The following ZNF827 variants were observed in gnomAD, a reference collection of about 807,000 sequenced individuals.
ZNF827 encodes zinc finger protein 827.
In ZNF827, 13 loss-of-function variants were observed where a neutral mutation model predicts 102.4. That is an observed-to-expected ratio of 0.13 (90% confidence interval 0.08 to 0.20). ZNF827 has a LOEUF of 0.20. ZNF827 is among the 10% of genes least tolerant of loss of function. ZNF827 has a pLI of 1.00. For synonymous variants in ZNF827, 523 were observed against 536.2 expected (o/e 0.98, Z 0.34); for missense variants, 1,103 against 1,344.4 (o/e 0.82, Z 2.81).
intron 4 of ZNF827, among the ~76,000 whole-genome samples, chr4:145,884,053 G>A (rs149269500): frequency 1.1e-3 from 163 of 152,214 alleles, no homozygotes; most frequent in African/African-American, 3.8e-3. Context: ...GGGAGAAGTC[G>A]GGGGAGAGAG....
At chr4:145,926,419 A>G (rs1395929333) in intron 1 of ZNF827, among the ~76,000 whole-genome samples, 1 of 152,174 alleles carries the variant, frequency 6.6e-6, no homozygotes, top group African/African-American at 2.4e-5. Context: ...CAGTTTATCA[A>G]TTTCTCCCTT....
At chr4:145,851,295 T>C (rs74893807) in intron 5 of ZNF827, among the ~76,000 whole-genome samples, 2,700 of 124,154 alleles carry the variant, frequency 0.022, 76 homozygotes, top group African/African-American at 0.078. Flanking sequence ...GATAGATAGA[T>C]AGACAGACAG....
chr4:145,849,625 G>C, intron 5 of ZNF827, 64 bp from the exon 6 acceptor site: 2 of 1,598,176 alleles, frequency 1.3e-6, no homozygotes, highest in Non-Finnish European at 1.7e-6. Context: ...GCTAGACCCA[G>C]TTTCTAATCA....
chr4:145,894,329 G>T (rs1024545227), intron 2 of ZNF827, among the ~76,000 whole-genome samples: 27 of 152,176 alleles, frequency 1.8e-4, no homozygotes, highest in Non-Finnish European at 2.9e-5. Context: ...AGTTACCACT[G>T]AAGGATTGTG....
chr4:145,876,917 T>C (rs74886093), intron 4 of ZNF827: 167 of 152,206 alleles, frequency 1.1e-3, no homozygotes, highest in African/African-American at 3.7e-3. Flanking sequence ...TGTGAAACCG[T>C]ACTTGTATTT....
chr4:145,894,891 T>C (rs552689834), intron 2 of ZNF827, among the ~76,000 whole-genome samples: 62 of 152,294 alleles, frequency 4.1e-4, no homozygotes, highest in Admixed American at 9.2e-4. Context: ...TCCACCCTGA[T>C]ATTTTGATCA....
At chr4:145,800,394 C>T (rs897389275) in intron 8 of ZNF827, among the ~76,000 whole-genome samples, 1 of 151,628 alleles carries the variant, frequency 6.6e-6, no homozygotes, top group African/African-American at 2.4e-5. Flanking sequence ...CGCTCTGTCG[C>T]CAAGGCTGGA....
chr4:145,849,686 G>A (rs1470281239), intron 5 of ZNF827, 125 bp from the exon 6 acceptor site: 20 of 1,405,228 alleles, frequency 1.4e-5, no homozygotes, highest in East Asian at 2.3e-5. Flanking sequence ...GAGCGTGCAC[G>A]GCACACTGGA....
In ZNF827 at chr4:145,845,969, G is replaced by T. The variant is rs148943464; in HGVS notation, c.2266C>A (p.Arg756=). Residue 756 remains arginine, a synonymous_variant, in exon 7 of 15, where the codon CGG becomes AGG. Coordinates refer to ENST00000508784, the MANE Select transcript of ZNF827 (RefSeq NM_001306215.2). Reference sequence around the variant, plus strand: ...AAAGTCGCCTACCTGGTCGTGGTCCGGATGGTGTTTTCTTTTGTATGATTG... The same window carrying T: ...AAAGTCGCCTACCTGGTCGTGGTCCTGATGGTGTTTTCTTTTGTATGATTG... ...EHNHTKENTI[R]TTTSPFFSED... 6.2e-7 allele frequency: 1 copy of T among 1,614,142 alleles called. No homozygotes were observed. Among genetic ancestry groups the T allele is most frequent in the Non-Finnish European group, 8.5e-7 (1 of 1,180,034 alleles).
intron 1 of ZNF827, among the ~76,000 whole-genome samples, chr4:145,913,069 T>G (rs1007432612): frequency 3.3e-5 from 5 of 152,158 alleles, no homozygotes; most frequent in African/African-American, 1.2e-4. Context: ...GGAAGGACTA[T>G]GAGTGGACTA....
chr4:145,779,296 G>C, intron 9 of ZNF827, 78 bp downstream of exon 9: 1 of 1,527,994 alleles, frequency 6.5e-7, no homozygotes, highest in South Asian at 1.3e-5. Flanking sequence ...GCCTCTCTTA[G>C]AGAAACTCAG....
At chr4:145,904,364 T>A (rs1271510242) in intron 1 of ZNF827, among the ~76,000 whole-genome samples, 3 of 152,250 alleles carry the variant, frequency 2.0e-5, no homozygotes, top group South Asian at 4.1e-4. Context: ...AATGGGTAAA[T>A]AACATAGCAT....
chr4:145,765,065 C>T lies in ZNF827; in HGVS notation c.3153G>A (p.Val1051=), dbSNP rs1326198067. The part of the protein sequence containing the change: ...HLITRMFECD[V]CHKFMKTPEQ... ...CGGGGGTCTTCATGAACTTGTGGCACACATCACACTCAAACATCCGGGTGA... is the reference window on the plus strand; with the variant it reads ...CGGGGGTCTTCATGAACTTGTGGCATACATCACACTCAAACATCCGGGTGA... Residue 1051 remains valine, a synonymous_variant, in exon 13 of 15, where the codon GTG becomes GTA. Transcript: ENST00000508784. This position sits in a 1 kb window ranked among gnomAD's most constrained non-coding sequence, Gnocchi z 4.7. 1 of 1,614,120 alleles carries T rather than the reference C, an allele frequency of 6.2e-7. No homozygotes were observed. Among genetic ancestry groups the T allele is most frequent in the Non-Finnish European group, 8.5e-7 (1 of 1,180,054 alleles).
intron 8 of ZNF827, among the ~76,000 whole-genome samples, chr4:145,812,270 T>A (rs949317735): frequency 6.6e-6 from 1 of 152,134 alleles, no homozygotes; most frequent in Admixed American, 6.6e-5. Context: ...AGGGAATTTT[T>A]ATGACTGGGA....
At chr4:145,838,135 A>C (rs1355843807) in intron 7 of ZNF827, among the ~76,000 whole-genome samples, 2 of 152,208 alleles carry the variant, frequency 1.3e-5, no homozygotes, top group African/African-American at 4.8e-5. Context: ...GAAGTAACTG[A>C]AGAATCACAA....
At position 145,763,861 on chromosome 4, in the gene ZNF827, C is replaced by T. The variant is rs1734878771; in HGVS notation, c.3231-739G>A. Among the ~76,000 whole-genome samples, 1 of 152,186 alleles carries T rather than the reference C, an allele frequency of 6.6e-6. No individual in the cohort carries two copies. The highest frequency in any genetic ancestry group is 6.5e-5 in the Admixed American group (1 of 15,286). On this transcript the variant is annotated intron_variant, in intron 13 of 14. Transcript: ENST00000508784. The surrounding 1 kb of genome is among the most constrained non-coding windows in gnomAD (Gnocchi z 4.6). ...CCCAATCCCTTCTGCCCTCCCCTCC[C>T]CCTCCCCCAAGAGTGAAACGAAATG...
intron 8 of ZNF827, among the ~76,000 whole-genome samples, chr4:145,821,030 G>T (rs183079386): frequency 1.3e-5 from 2 of 152,088 alleles, no homozygotes; most frequent in Admixed American, 6.6e-5. Flanking sequence ...ATGTAATTTG[G>T]CATTCATACT....
In ZNF827 at chr4:145,763,057, C is replaced by A; in HGVS notation, c.*17+33G>T. The A allele has an allele frequency of 2.0e-6, 3 of 1,531,282 alleles. No individual in the cohort carries two copies. The highest frequency in any genetic ancestry group is 2.6e-6 in the Non-Finnish European group (3 of 1,143,262). The allele number at this position is 1,531,282 out of a possible 1,614,324, so 94.9% of individuals were successfully genotyped here. ...ATAAAGCCCATTCCCAGGTCAGGTG[C>A]ACACACAACCCCTACGCCAAGCTGG... On this transcript the variant is annotated intron_variant, in intron 14 of 14. Transcript: ENST00000508784. This position sits in a 1 kb window ranked among gnomAD's most constrained non-coding sequence, Gnocchi z 4.6.
At chr4:145,766,464 A>C (rs1355219138) in intron 11 of ZNF827, among the ~76,000 whole-genome samples, 1 of 152,240 alleles carries the variant, frequency 6.6e-6, no homozygotes, top group Non-Finnish European at 1.5e-5. Flanking sequence ...GAGGTGAGCC[A>C]TATGACTGAT....
Sources: allele counts gnomAD v4.1 joint callset (sites outside exome capture counted in the v4.1 genomes callset), GRCh38; gene constraint gnomAD v4.1.1; non-coding constraint Gnocchi (gnomAD v3.1); transcripts MANE v1.5; gene names NCBI Gene and HGNC (gene_info 2026-07-23, HGNC 2026-07-21).